GAS7: variants seen among roughly 807,000 people sequenced by gnomAD.
GAS7 encodes growth arrest-specific protein 7.
Under a neutral mutation model 71.1 loss-of-function variants are expected in GAS7, and 28 were observed. The observed-to-expected ratio is 0.39, with a 90% CI of 0.29 to 0.54. GAS7 has a LOEUF of 0.54. GAS7 is among the 20% of genes least tolerant of loss of function. GAS7 has a pLI of 0.62. For missense variants in GAS7, 436 were observed against 627.8 expected, an observed-to-expected ratio of 0.69 and a Z score of 3.27; for synonymous variants, 258 against 245.8, an observed-to-expected ratio of 1.05 and a Z score of -0.46.
At chr17:10,114,183 C>T (rs903285040) in intron 1 of GAS7, among the ~76,000 whole-genome samples, 39 of 152,134 alleles carry the variant, frequency 2.6e-4, no homozygotes, top group African/African-American at 8.9e-4. Context: ...CTGCCTCAGC[C>T]TCTTAAAGTG....
chr17:9,959,561 C>T lies in GAS7; in HGVS notation c.472-306G>A, dbSNP rs2069394889. 4.8e-6 allele frequency: 4 copies of T among 829,122 alleles called. No individual in the cohort carries two copies. The East Asian group carries it at 9.8e-5, about 20-fold the overall frequency. The allele number at this position is 829,122 out of a possible 1,614,324, so 51.4% of individuals were successfully genotyped here. A position where few individuals can be genotyped will look rare whatever the true frequency, so the allele number is the denominator to read the frequency against. On this transcript the variant is annotated intron_variant, in intron 4 of 13. Transcript: ENST00000432992. The surrounding 1 kb of genome is among the most constrained non-coding windows in gnomAD (Gnocchi z 5.0). ...ATTTGGGGAGTTAACCCCTCCGCTG[C>T]CCTCTGCTGGTGAACGTTCCGCGTG...
intron 1 of GAS7, among the ~76,000 whole-genome samples, chr17:10,119,884 C>T (rs977576866): frequency 8.5e-5 from 13 of 152,180 alleles, no homozygotes; most frequent in Admixed American, 1.3e-4. Context: ...ACTATTCTCA[C>T]GCCCAGAGCC....
intron 1 of GAS7, among the ~76,000 whole-genome samples, chr17:10,079,544 T>C (rs530729665): frequency 9.8e-5 from 15 of 152,330 alleles, no homozygotes; most frequent in African/African-American, 3.6e-4. Flanking sequence ...CAACATTCCT[T>C]TCTATTGATA....
chr17:10,163,308 G>A (rs2074270102), intron 1 of GAS7, among the ~76,000 whole-genome samples: 1 of 151,754 alleles, frequency 6.6e-6, no homozygotes, highest in African/African-American at 2.4e-5. Context: ...GACGGGGTGC[G>A]GGGGAGTGGT....
intron 1 of GAS7, among the ~76,000 whole-genome samples, chr17:10,195,118 T>C (rs986602092): frequency 6.6e-6 from 1 of 152,164 alleles, no homozygotes; most frequent in Non-Finnish European, 1.5e-5. Flanking sequence ...CTGCCTGTGC[T>C]GAGGTTTTCC....
intron 1 of GAS7, among the ~76,000 whole-genome samples, chr17:10,126,364 T>TTGCACACACA (rs2073947083): frequency 1.5e-5 from 1 of 68,728 alleles, no homozygotes; most frequent in South Asian, 5.7e-4. Context: ...ACACACACTC[T>TTGCACACACA]TGCACACACA....
At chr17:9,932,754 TAAG>T (rs898978598) in intron 9 of GAS7, among the ~76,000 whole-genome samples, 6 of 151,956 alleles carry the variant, frequency 3.9e-5, no homozygotes, top group African/African-American at 1.2e-4. Flanking sequence ...CATGACTCAA[TAAG>T]AAAATATTTA....
chr17:10,151,994 T>A (rs531659448), intron 1 of GAS7, among the ~76,000 whole-genome samples: 1 of 152,272 alleles, frequency 6.6e-6, no homozygotes, highest in South Asian at 2.1e-4. Context: ...AGAAATCCAA[T>A]CCACAAGTTT....
At chr17:10,010,180 C>T (rs1177238005) in intron 2 of GAS7, among the ~76,000 whole-genome samples, 1 of 151,632 alleles carries the variant, frequency 6.6e-6, no homozygotes, top group Non-Finnish European at 1.5e-5. Flanking sequence ...GGGGGCGTCT[C>T]CCTCTGTTGC....
intron 7 of GAS7, 59 bp downstream of exon 7, chr17:9,943,062 A>C (rs1243858580): frequency 8.0e-6 from 9 of 1,121,002 alleles, no homozygotes; most frequent in South Asian, 2.5e-5. Context: ...CGCCCCGGCC[A>C]CGGGGCCCCG....
chr17:10,085,701 AAAAAAAAAG>A (rs1281046270), intron 1 of GAS7, among the ~76,000 whole-genome samples: 2 of 150,050 alleles, frequency 1.3e-5, no homozygotes, highest in Admixed American at 6.6e-5. Flanking sequence ...CAAAAAAAAA[AAAAAAAAAG>A]AAAGAAAGAA....
chr17:9,993,756 G>A (rs2070932852), intron 2 of GAS7, among the ~76,000 whole-genome samples: 2 of 150,710 alleles, frequency 1.3e-5, no homozygotes, highest in African/African-American at 4.9e-5. Context: ...GTTTGCAGAC[G>A]ACATGATTGT....
intron 11 of GAS7, among the ~76,000 whole-genome samples, chr17:9,921,808 A>C (rs974532546): frequency 1.3e-5 from 2 of 151,916 alleles, no homozygotes; most frequent in Non-Finnish European, 2.9e-5. Context: ...AAATATAAAA[A>C]ATTAGCCAGG....
At chr17:10,154,599 G>C (rs574645562) in intron 1 of GAS7, among the ~76,000 whole-genome samples, 17 of 152,236 alleles carry the variant, frequency 1.1e-4, no homozygotes, top group Non-Finnish European at 2.4e-4. Context: ...GATCACTTGA[G>C]GCCAGGAGTT....
chr17:9,997,215 T>C (rs1204538205), intron 2 of GAS7, among the ~76,000 whole-genome samples: 2 of 130,942 alleles, frequency 1.5e-5, no homozygotes, highest in East Asian at 2.2e-4. Flanking sequence ...TTAAATTCCA[T>C]ATGGCTTAAT....
rs1359708493 is a variant in GAS7, at chr17:10,005,141, G to A, written c.304+14636C>T. ...TGCACGCATACCAGCATGTGTGCGC[G>A]CACGCATGCATGCATGTGTGTGCGC... On this transcript the variant is annotated intron_variant, in intron 2 of 13. Transcript: ENST00000432992. 6.3e-3 allele frequency among the ~76,000 whole-genome samples: 454 copies of A among 72,428 alleles called. 10 individuals are homozygous for A. The East Asian group carries it at 0.2, about 32-fold the overall frequency. 47.5% of individuals were successfully genotyped at this position (72,428 alleles called of 152,430 possible). A position where few individuals can be genotyped will look rare whatever the true frequency, so the allele number is the denominator to read the frequency against.
chr17:9,989,145 T>A (rs2070751337), intron 2 of GAS7, among the ~76,000 whole-genome samples: 1 of 152,026 alleles, frequency 6.6e-6, no homozygotes, highest in South Asian at 2.1e-4. Context: ...CATTTCCACT[T>A]TTAATGGAAG....
rs563492837 is a variant in GAS7 at position 9,913,964 on chromosome 17, G to T, written c.*3264C>A. 2 of 231,540 alleles carry T rather than the reference G, an allele frequency of 8.6e-6. No individual in the cohort carries two copies. Among genetic ancestry groups the T allele is most frequent in the Non-Finnish European group, 1.7e-5 (2 of 117,148 alleles). The allele number at this position is 231,540 out of a possible 1,614,324, so 14.3% of individuals were successfully genotyped here. A position where few individuals can be genotyped will look rare whatever the true frequency, so the allele number is the denominator to read the frequency against. ...ACATTCTCAAGAATAGCCCAGACCC[G>T]CCCACTTTGAATAAACCCAGCTAAG... is the stretch of plus-strand genomic sequence containing the variant. On this transcript the variant is annotated 3_prime_UTR_variant, in exon 14 of 14. Transcript: ENST00000432992.
chr17:9,954,402 T>C (rs2069142311), intron 5 of GAS7, among the ~76,000 whole-genome samples: 2 of 151,400 alleles, frequency 1.3e-5, no homozygotes, highest in Non-Finnish European at 2.9e-5. Context: ...GCACCCCCAC[T>C]ACAGCATAGA....
Sources: gnomAD v4.1 joint callset for allele counts (sites outside exome capture counted in the v4.1 genomes callset) on GRCh38, gnomAD v4.1.1 for gene constraint, Gnocchi (gnomAD v3.1) non-coding constraint, MANE v1.5 for transcripts, NCBI Gene and HGNC (gene_info 2026-07-23, HGNC 2026-07-21) for gene names.